The following TCEA2 variants were observed in gnomAD, a reference collection of about 807,000 sequenced individuals.
The protein encoded by TCEA2 is transcription elongation factor A2, also known as transcription elongation factor A protein 2.
A neutral mutation model predicts 40.8 loss-of-function variants in TCEA2; 21 were observed. The ratio of observed to expected loss-of-function variants is 0.51; its 90% CI spans 0.36 to 0.74. The LOEUF is 0.74. Ranked by LOEUF, TCEA2 falls within the 30% of genes least tolerant of loss-of-function variation. The pLI is 0.00. For missense variants in TCEA2, 326 were observed against 426.5 expected (o/e 0.76, Z 2.08); for synonymous variants, 165 against 162.7 (o/e 1.01, Z -0.11).
chr20:64,063,258 C>T lies in TCEA2; in HGVS notation c.-55C>T. ...GGTGGCGACGGCCGGGGCCGGGGTC[C>T]TGCCCGGCTGCGGAGGCGGGCGCGA... On this transcript the variant is annotated 5_prime_UTR_variant, in exon 1 of 10. Coordinates refer to ENST00000343484, the MANE Select transcript of TCEA2 (RefSeq NM_003195.6). 7 of 1,482,256 alleles carry T rather than the reference C, an allele frequency of 4.7e-6. No individual in the cohort carries two copies. The East Asian group carries it at 8.6e-5, about 18-fold the overall frequency. 91.8% of individuals were successfully genotyped at this position (1,482,256 alleles called of 1,614,324 possible).
chr20:64,063,745 T>A, intron 1 of TCEA2: 1 of 253,040 alleles, frequency 4.0e-6, no homozygotes. Flanking sequence ...TCCTTGGCCC[T>A]GTCCCGCCTC....
Position 64,070,536 on chromosome 20 carries a change from G to A in TCEA2, c.720G>A (p.Lys240=), listed in dbSNP as rs778079065. The change falls in exon 8 of 10, where the codon AAG becomes AAA. Residue 240 remains lysine, a synonymous_variant. Coordinates refer to ENST00000343484, the MANE Select transcript of TCEA2 (RefSeq NM_003195.6). ...AGGAGATCCGTAAGGCCATGACCAA[G>A]GAGGCCATCCGAGAGCACCAGATGG... ...ELKEIRKAMT[K]EAIREHQMAR... 6.2e-7 allele frequency: 1 copy of A among 1,613,776 alleles called. No homozygotes were observed. Among genetic ancestry groups the A allele is most frequent in the African/African-American group, 1.3e-5 (1 of 74,956 alleles).
At chr20:64,067,086 T>G in intron 3 of TCEA2, 66 bp downstream of exon 3, 1 of 1,467,468 alleles carries the variant, frequency 6.8e-7, no homozygotes, top group Non-Finnish European at 9.4e-7. Flanking sequence ...CTCTTGCTGG[T>G]CAGCACAGTG....
At chr20:64,058,866 G>C (rs924051032), upstream of TCEA2, among the ~76,000 whole-genome samples, 2 of 152,148 alleles carry the variant, frequency 1.3e-5, no homozygotes, top group East Asian at 3.9e-4. The surrounding 1 kb of genome is among the most constrained non-coding windows in gnomAD (Gnocchi z 6.7). Context: ...ATAACTGAAC[G>C]AACGACACCT....
At chr20:64,067,942 C>T (rs546726771) in intron 3 of TCEA2, 105 bp from the exon 4 acceptor site, 1 of 840,892 alleles carries the variant, frequency 1.2e-6, no homozygotes. Context: ...GGGGCTGGGG[C>T]TGGGGCCGTG....
At chr20:64,065,248 C>T (rs1002462713) in intron 1 of TCEA2, among the ~76,000 whole-genome samples, 1 of 152,116 alleles carries the variant, frequency 6.6e-6, no homozygotes, top group Non-Finnish European at 1.5e-5. Flanking sequence ...GGACTCTGTA[C>T]AGCCCAAGAG....
upstream of TCEA2, among the ~76,000 whole-genome samples, chr20:64,061,834 T>C (rs1368700847): frequency 6.6e-6 from 1 of 152,176 alleles, no homozygotes; most frequent in Non-Finnish European, 1.5e-5. Context: ...GTTCCAGCAA[T>C]TCTCCTGCCT....
intron 2 of TCEA2, 131 bp from the exon 3 acceptor site, chr20:64,066,784 T>C (rs1051713508): frequency 5.3e-6 from 5 of 940,652 alleles, no homozygotes; most frequent in African/African-American, 3.3e-5. Flanking sequence ...ACAGTCGCCA[T>C]TGGGAGAGGC....
At chr20:64,058,203 T>C (rs1448967992), upstream of TCEA2, among the ~76,000 whole-genome samples, 1 of 152,046 alleles carries the variant, frequency 6.6e-6, no homozygotes, top group Non-Finnish European at 1.5e-5. This position sits in a 1 kb window ranked among gnomAD's most constrained non-coding sequence, Gnocchi z 6.7. Flanking sequence ...TCCCGTCCGC[T>C]CCTTTCTCTC....
chr20:64,063,451 C>A lies in TCEA2; in HGVS notation c.72+67C>A, dbSNP rs1190963249. The A allele has an allele frequency of 1.0e-4, 157 of 1,513,296 alleles. 1 individual carries two copies. In the East Asian group the frequency reaches 1.9e-3, roughly 18 times the overall value. The allele number at this position is 1,513,296 out of a possible 1,614,324, so 93.7% of individuals were successfully genotyped here. On this transcript the variant is annotated intron_variant, in intron 1 of 9. Coordinates refer to ENST00000343484, the MANE Select transcript of TCEA2 (RefSeq NM_003195.6). ...GCCGAGACCCCGTCGAGCCCGCCGA[C>A]CCCCGTTAGGGCCGGAAGACGACCT...
upstream of TCEA2, among the ~76,000 whole-genome samples, chr20:64,056,104 C>T (rs1267284106): frequency 6.6e-6 from 1 of 152,138 alleles, no homozygotes; most frequent in Non-Finnish European, 1.5e-5. Flanking sequence ...CGCCACTGGC[C>T]TCTGGGGATG....
chr20:64,059,980 C>T (rs759371472), upstream of TCEA2, among the ~76,000 whole-genome samples: 5 of 152,128 alleles, frequency 3.3e-5, no homozygotes, highest in Non-Finnish European at 5.9e-5. Context: ...TCCAGAGGTC[C>T]GTGCTGATAC....
chr20:64,057,967 TCA>T (rs1491459508), intron 1 of TCEA2, among the ~76,000 whole-genome samples: 3 of 152,130 alleles, frequency 2.0e-5, no homozygotes, highest in Admixed American at 6.5e-5. Flanking sequence ...CCACTGTTCC[TCA>T]CAGGCTCTGG....
At chr20:64,059,981 G>A (rs1356308303), upstream of TCEA2, among the ~76,000 whole-genome samples, 4 of 152,164 alleles carry the variant, frequency 2.6e-5, no homozygotes, top group South Asian at 2.1e-4. Flanking sequence ...CCAGAGGTCC[G>A]TGCTGATACC....
At chr20:64,060,713 A>C (rs2145439284), upstream of TCEA2, among the ~76,000 whole-genome samples, 1 of 152,284 alleles carries the variant, frequency 6.6e-6, no homozygotes, top group African/African-American at 2.4e-5. Context: ...TATTAATAAT[A>C]ATAATAATAT....
Position 64,067,076 on chromosome 20 carries a change from C to T in TCEA2, c.241+56C>T, listed in dbSNP as rs111289030. The T allele has an allele frequency of 1.4e-3, 2,080 of 1,525,612 alleles. 20 individuals are homozygous for T. The African/African-American group carries it at 0.025, about 18-fold the overall frequency. 94.5% of individuals were successfully genotyped at this position (1,525,612 alleles called of 1,614,324 possible). Reference sequence around the variant, plus strand: ...GGGGCAGGGGTCCCAGAAGTGCTGCCTCTTGCTGGTCAGCACAGTGTAGAG... The same window carrying T: ...GGGGCAGGGGTCCCAGAAGTGCTGCTTCTTGCTGGTCAGCACAGTGTAGAG... On this transcript the variant is annotated intron_variant, in intron 3 of 9. Transcript: ENST00000343484.
At chr20:64,059,124 C>T (rs566272673), upstream of TCEA2, among the ~76,000 whole-genome samples, 24 of 141,564 alleles carry the variant, frequency 1.7e-4, no homozygotes, top group Middle Eastern at 3.8e-3. Context: ...ACCTGGGATG[C>T]GGAGGTTGCA....
rs764367511 is a variant in TCEA2, at chr20:64,069,372, C to T, written c.341C>T (p.Pro114Leu). Residue 114 changes from proline to leucine, a missense_variant, in exon 5 of 10, where the codon CCG becomes CTG. Transcript: ENST00000343484. ...CTGGCTCTCTGCAGCCGCAAGAGGCCGGAGCTGCCCAGGGCACCGTCGACT... is the reference window on the plus strand; with the variant it reads ...CTGGCTCTCTGCAGCCGCAAGAGGCTGGAGCTGCCCAGGGCACCGTCGACT... The part of the protein sequence containing the change: ...SEAPDPSRKR[P>L]ELPRAPSTPR... 5.7e-6 allele frequency: 9 copies of T among 1,590,632 alleles called. No homozygotes were observed. Among genetic ancestry groups the T allele is most frequent in the Admixed American group, 5.3e-5 (3 of 56,370 alleles).
At position 64,070,345 on chromosome 20, in the gene TCEA2, C is replaced by T. The variant is rs766938592; in HGVS notation, c.603C>T (p.Asn201=). Residue 201 remains asparagine, a synonymous_variant, in exon 7 of 10, where the codon AAC becomes AAT. Coordinates refer to ENST00000343484, the MANE Select transcript of TCEA2 (RefSeq NM_003195.6). ...SRISNLKDAK[N]PDLRRNVLCG... ...TCTCCAACCTGAAGGATGCCAAGAA[C>T]CCTGACCTGCGGCGGAATGTGCTGT... is the stretch of plus-strand genomic sequence containing the variant. The T allele has an allele frequency of 5.6e-6, 9 of 1,614,110 alleles. No individual in the cohort carries two copies. Among genetic ancestry groups the T allele is most frequent in the Non-Finnish European group, 5.9e-6 (7 of 1,180,046 alleles).
Sources: allele counts gnomAD v4.1 joint callset (sites outside exome capture counted in the v4.1 genomes callset), GRCh38; gene constraint gnomAD v4.1.1; non-coding constraint Gnocchi (gnomAD v3.1); transcripts MANE v1.5; gene names NCBI Gene and HGNC (gene_info 2026-07-23, HGNC 2026-07-21).